GRM8: variants seen among roughly 807,000 people sequenced by gnomAD.
The protein encoded by GRM8 is metabotropic glutamate receptor 8.
GRM8 carries 47 observed loss-of-function variants against 87.2 expected under a neutral mutation model. That is an observed-to-expected ratio of 0.54 (90% confidence interval 0.43 to 0.69). GRM8 has a LOEUF of 0.69. Ranked by LOEUF, GRM8 falls within the 30% of genes least tolerant of loss-of-function variation. The probability of loss-of-function intolerance (pLI) is 0.00; values close to 1 mark genes in which losing one functional copy is unlikely to be tolerated. For synonymous variants in GRM8, 396 were observed against 404.5 expected (o/e 0.98, Z 0.25); for missense variants, 1,019 against 1,139.2 (o/e 0.89, Z 1.52).
At chr7:126,875,391 G>A (rs1321752556) in intron 6 of GRM8, among the ~76,000 whole-genome samples, 1 of 152,020 alleles carries the variant, frequency 6.6e-6, no homozygotes, top group African/African-American at 2.4e-5. Context: ...AAGAGTTTGG[G>A]ATACCCACAG....
chr7:126,895,505 G>T (rs1199622948), intron 6 of GRM8, among the ~76,000 whole-genome samples: 2 of 152,216 alleles, frequency 1.3e-5, no homozygotes, highest in East Asian at 3.9e-4. Context: ...TGGTTTGTGT[G>T]CATGCTAACA....
At chr7:126,469,327 T>A (rs7786175) in intron 9 of GRM8, among the ~76,000 whole-genome samples, 59,893 of 152,030 alleles carry the variant, frequency 0.39, 11,913 homozygotes, top group Middle Eastern at 0.52. Context: ...TTCATTCTTT[T>A]CTGAACCTAC....
At chr7:126,701,119 C>T (rs1190463410) in intron 7 of GRM8, among the ~76,000 whole-genome samples, 2 of 152,026 alleles carry the variant, frequency 1.3e-5, no homozygotes, top group Non-Finnish European at 2.9e-5. Context: ...AGGCTCTTCA[C>T]TGAAAACACT....
intron 6 of GRM8, among the ~76,000 whole-genome samples, chr7:126,895,999 T>C (rs1038094178): frequency 1.4e-5 from 2 of 146,704 alleles, no homozygotes; most frequent in Non-Finnish European, 3.0e-5. Flanking sequence ...TATAAGTAAA[T>C]AATAAATGGA....
At chr7:126,797,207 C>T (rs17683715) in intron 6 of GRM8, among the ~76,000 whole-genome samples, 16,962 of 152,062 alleles carry the variant, frequency 0.11, 1,389 homozygotes, top group Non-Finnish European at 0.14. Flanking sequence ...ATTATCCTAG[C>T]TTTTCTGTCA....
At chr7:126,861,318 A>C (rs180690943) in intron 6 of GRM8, among the ~76,000 whole-genome samples, 4 of 152,204 alleles carry the variant, frequency 2.6e-5, no homozygotes, top group Admixed American at 2.6e-4. Flanking sequence ...ACTCTTACAT[A>C]ATATGTCATA....
chr7:127,035,831 C>T (rs921845862), intron 3 of GRM8, among the ~76,000 whole-genome samples: 36 of 152,312 alleles, frequency 2.4e-4, no homozygotes, highest in African/African-American at 7.7e-4. Flanking sequence ...CTGCTTCCCT[C>T]TCAGATGGCT....
In GRM8 at chr7:126,463,491, T is replaced by A. The variant is rs187477672; in HGVS notation, c.2431-17119A>T. 1.9e-3 allele frequency among the ~76,000 whole-genome samples: 293 copies of A among 151,700 alleles called. 2 individuals carry two copies. The highest frequency in any genetic ancestry group is 6.8e-3 in the African/African-American group (283 of 41,482). On this transcript the variant is annotated intron_variant, in intron 9 of 10. Transcript: ENST00000339582. ...ATTGACCTTGTGCACATTAATACGA[T>A]GTTCTAACAAAGTGTCTAGTCTATC...
chr7:126,882,532 A>G (rs1800115960), intron 6 of GRM8, among the ~76,000 whole-genome samples: 1 of 152,154 alleles, frequency 6.6e-6, no homozygotes, highest in African/African-American at 2.4e-5. Context: ...GTATAATTTG[A>G]CTCATCGCTA....
intron 7 of GRM8, among the ~76,000 whole-genome samples, chr7:126,762,742 ATTTG>A (rs942275268): frequency 9.2e-5 from 14 of 151,928 alleles, no homozygotes; most frequent in Non-Finnish European, 1.6e-4. Context: ...TGAAATTGTG[ATTTG>A]TTTTTTTCAA....
At chr7:127,170,662 A>C (rs901289032) in intron 2 of GRM8, among the ~76,000 whole-genome samples, 8 of 152,256 alleles carry the variant, frequency 5.3e-5, no homozygotes, top group Non-Finnish European at 1.0e-4. Flanking sequence ...ACTCAGCCAT[A>C]AACATGAAGA....
At chr7:126,913,586 T>C (rs929160262) in intron 3 of GRM8, among the ~76,000 whole-genome samples, 4 of 152,192 alleles carry the variant, frequency 2.6e-5, no homozygotes, top group African/African-American at 4.8e-5. Context: ...TTTAAGGCAA[T>C]AGAAACACAT....
intron 6 of GRM8, among the ~76,000 whole-genome samples, chr7:126,856,095 G>A (rs186580211): frequency 1.7e-4 from 26 of 151,382 alleles, no homozygotes; most frequent in Admixed American, 1.3e-3. Context: ...AAAAATCTAC[G>A]TTTTTTTTCC....
intron 8 of GRM8, among the ~76,000 whole-genome samples, chr7:126,555,334 G>A (rs1236732013): frequency 1.3e-5 from 2 of 152,164 alleles, no homozygotes; most frequent in East Asian, 1.9e-4. Context: ...CTCAGGCCAA[G>A]AGACTATCTT....
chr7:126,939,446 A>G (rs1263027972), intron 3 of GRM8, among the ~76,000 whole-genome samples: 1 of 152,172 alleles, frequency 6.6e-6, no homozygotes, highest in African/African-American at 2.4e-5. Context: ...TGGAAAAACA[A>G]TATCTCCCTC....
intron 6 of GRM8, among the ~76,000 whole-genome samples, chr7:126,842,467 A>C (rs1796367483): frequency 1.3e-5 from 2 of 152,236 alleles, no homozygotes; most frequent in South Asian, 4.1e-4. Context: ...TGTGATAGGC[A>C]GACTAATGCC....
chr7:126,885,889 T>A (rs550266692), intron 6 of GRM8, among the ~76,000 whole-genome samples: 2 of 152,084 alleles, frequency 1.3e-5, no homozygotes, highest in Non-Finnish European at 2.9e-5. Flanking sequence ...CAAAGGCCAG[T>A]TTTTTTCCCC....
chr7:126,742,338 A>G (rs183217532), intron 7 of GRM8, among the ~76,000 whole-genome samples: 90 of 152,192 alleles, frequency 5.9e-4, no homozygotes, highest in African/African-American at 2.1e-3. Flanking sequence ...AAGTCTATGT[A>G]CCACCAGAGA....
chr7:126,526,875 G>A (rs1452094385), intron 9 of GRM8, among the ~76,000 whole-genome samples: 2 of 152,156 alleles, frequency 1.3e-5, no homozygotes, highest in African/African-American at 2.4e-5. Context: ...GAGCATAAAT[G>A]AGGCCACATA....
Sources: allele counts gnomAD v4.1 joint callset (sites outside exome capture counted in the v4.1 genomes callset), GRCh38; gene constraint gnomAD v4.1.1; transcripts MANE v1.5; gene names NCBI Gene and HGNC (gene_info 2026-07-23, HGNC 2026-07-21).